The following GSN variants were observed in gnomAD, a reference collection of about 807,000 sequenced individuals.
GSN encodes gelsolin.
A neutral mutation model predicts 85.7 loss-of-function variants in GSN; 56 were observed. The observed-to-expected ratio is 0.65, with a 90% CI of 0.53 to 0.82. The LOEUF is 0.82. GSN is among the 40% of genes least tolerant of loss of function. The pLI is 0.00. For synonymous variants in GSN, 373 were observed against 399.1 expected, an observed-to-expected ratio of 0.93 and a Z score of 0.78; for missense variants, 857 against 979.8, an observed-to-expected ratio of 0.87 and a Z score of 1.67.
intron 5 of GSN, among the ~76,000 whole-genome samples, chr9:121,240,537 G>C (rs1160959120): frequency 6.6e-6 from 1 of 152,214 alleles, no homozygotes; most frequent in Non-Finnish European, 1.5e-5. Context: ...CTGCTTTCCA[G>C]ATGATTCTGC....
chr9:121,328,364 T>C (rs866833817), intron 14 of GSN, among the ~76,000 whole-genome samples: 13 of 152,360 alleles, frequency 8.5e-5, no homozygotes, highest in Middle Eastern at 6.8e-3. Context: ...ATTAGTCACA[T>C]GTGGCTGTTG....
intron 5 of GSN, among the ~76,000 whole-genome samples, chr9:121,232,168 G>C (rs577495004): frequency 1.3e-5 from 2 of 152,308 alleles, no homozygotes; most frequent in African/African-American, 4.8e-5. Context: ...AACCTAACTT[G>C]TTATAATGTG....
At chr9:121,231,571 C>T (rs1475355184) in intron 5 of GSN, among the ~76,000 whole-genome samples, 1 of 152,118 alleles carries the variant, frequency 6.6e-6, no homozygotes, top group African/African-American at 2.4e-5. Context: ...AACAAAATAA[C>T]AGTAATGTCA....
chr9:121,216,310 C>G (rs545024708), intron 4 of GSN, among the ~76,000 whole-genome samples: 2 of 152,318 alleles, frequency 1.3e-5, no homozygotes, highest in African/African-American at 4.8e-5. Flanking sequence ...GCAAATCCAA[C>G]TATGTCACTC....
intron 6 of GSN, 70 bp downstream of exon 6, chr9:121,312,558 C>A (rs2133487126): frequency 2.4e-4 from 234 of 970,156 alleles, no homozygotes; most frequent in East Asian, 5.8e-4. Flanking sequence ...GTTCAGTAGG[C>A]AATTTGAGGT....
intron 1 of GSN, chr9:121,209,209 C>T (rs939924861): frequency 4.6e-5 from 7 of 152,284 alleles, no homozygotes; most frequent in African/African-American, 1.7e-4. Flanking sequence ...GGGAGCAGGG[C>T]TGAGGAGCAG....
Position 121,299,382 on chromosome 9 carries a change from A to C in GSN, c.-9-2581A>C. The C allele has an allele frequency of 4.1e-6, 4 of 973,228 alleles. No homozygotes were observed. The highest frequency in any genetic ancestry group is 4.9e-6 in the Non-Finnish European group (4 of 818,826). The allele number at this position is 973,228 out of a possible 1,614,324, so 60.3% of individuals were successfully genotyped here. ...GCAGCACCATTTACAAGCTGTGTGC[A>C]AGTTGCTTCACCACTCTGCGCTGTT... is the stretch of plus-strand genomic sequence containing the variant. On this transcript the variant is annotated intron_variant, in intron 2 of 17. Coordinates refer to ENST00000432226, the MANE Select transcript of GSN (RefSeq NM_198252.3). The surrounding 1 kb of genome is among the most constrained non-coding windows in gnomAD (Gnocchi z 4.2).
intron 7 of GSN, among the ~76,000 whole-genome samples, chr9:121,314,401 G>T (rs2061496595): frequency 6.6e-6 from 1 of 152,198 alleles, no homozygotes; most frequent in South Asian, 2.1e-4. Context: ...GTGTATGTGG[G>T]GAGGTTGGGG....
intron 11 of GSN, among the ~76,000 whole-genome samples, chr9:121,323,454 C>G (rs1364119812): frequency 1.4e-5 from 2 of 146,090 alleles, no homozygotes; most frequent in African/African-American, 5.0e-5. Flanking sequence ...ACTGCAACCT[C>G]TGCCTCCCAG....
chr9:121,332,743 G>A lies in GSN; in HGVS notation c.*140G>A, dbSNP rs73660440. On this transcript the variant is annotated 3_prime_UTR_variant, in exon 18 of 18. Coordinates refer to ENST00000432226, the MANE Select transcript of GSN (RefSeq NM_198252.3). The surrounding 1 kb of genome is among the most constrained non-coding windows in gnomAD (Gnocchi z 4.8). ...GTTGTTTCTTTTTTTTTTTTTTACA[G>A]TATCCAAAAATAGCCCTGCAAAAAT... The A allele has an allele frequency of 9.3e-6, 6 of 642,044 alleles. No individual in the cohort carries two copies. Among genetic ancestry groups the A allele is most frequent in the Non-Finnish European group, 1.6e-5 (6 of 378,540 alleles). The allele number at this position is 642,044 out of a possible 1,614,324, so 39.8% of individuals were successfully genotyped here. A position where few individuals can be genotyped will look rare whatever the true frequency, so the allele number is the denominator to read the frequency against.
chr9:121,253,931 C>T (rs1051675685), intron 6 of GSN, among the ~76,000 whole-genome samples: 2 of 152,156 alleles, frequency 1.3e-5, no homozygotes, highest in Non-Finnish European at 2.9e-5. Context: ...GTGACCCTCC[C>T]TTCACTTTCT....
At chr9:121,266,966 TA>T (rs1440566000), upstream of GSN, among the ~76,000 whole-genome samples, 4 of 152,162 alleles carry the variant, frequency 2.6e-5, no homozygotes, top group African/African-American at 4.8e-5. Flanking sequence ...CTGTGCTACT[TA>T]AACAACAGCC....
chr9:121,286,301 G>A (rs890105880), intron 2 of GSN: 1 of 684,974 alleles, frequency 1.5e-6, no homozygotes, highest in Non-Finnish European at 2.5e-6. Flanking sequence ...CAGGCCCCCT[G>A]CAGAGATGAA....
At chr9:121,314,391 G>A (rs999042285) in intron 7 of GSN, among the ~76,000 whole-genome samples, 1 of 152,216 alleles carries the variant, frequency 6.6e-6, no homozygotes, top group Admixed American at 6.5e-5. Context: ...CAGAAATGGT[G>A]TGTATGTGGG....
At chr9:121,311,526 T>C (rs575660311) in intron 5 of GSN, 1 of 155,170 alleles carries the variant, frequency 6.4e-6, no homozygotes, top group East Asian at 1.9e-4. Flanking sequence ...TACAGCTTGA[T>C]GGATTACACA....
chr9:121,314,173 G>A (rs749844311), intron 7 of GSN, 150 bp downstream of exon 7: 43 of 712,256 alleles, frequency 6.0e-5, no homozygotes, highest in Non-Finnish European at 8.9e-5. Context: ...GTGGATGCTC[G>A]TGTACTTCCT....
chr9:121,286,563 T>G, intron 2 of GSN: 1 of 1,449,982 alleles, frequency 6.9e-7, no homozygotes, highest in Non-Finnish European at 9.0e-7. Context: ...CCTCCGTGGC[T>G]CTGTTGGGCC....
intron 6 of GSN, among the ~76,000 whole-genome samples, chr9:121,250,872 G>GGTGTGTGT (rs34623899): frequency 1.1e-3 from 144 of 135,098 alleles, no homozygotes; most frequent in Non-Finnish European, 2.0e-3. Flanking sequence ...GCCTGCTTGG[G>GGTGTGTGT]GTGTGTGTGT....
intron 7 of GSN, among the ~76,000 whole-genome samples, chr9:121,315,554 A>G (rs2061621044): frequency 6.6e-6 from 1 of 152,124 alleles, no homozygotes; most frequent in Non-Finnish European, 1.5e-5. Flanking sequence ...ACCTGAGGTC[A>G]GGAGTTCGAG....
Sources: allele counts gnomAD v4.1 joint callset (sites outside exome capture counted in the v4.1 genomes callset), GRCh38; gene constraint gnomAD v4.1.1; non-coding constraint Gnocchi (gnomAD v3.1); transcripts MANE v1.5; gene names NCBI Gene and HGNC (gene_info 2026-07-23, HGNC 2026-07-21).